Variants in ARID4B observed in about 807,000 individuals in gnomAD.
ARID4B encodes AT-rich interactive domain-containing protein 4B.
ARID4B carries 26 observed loss-of-function variants against 147.5 expected under a neutral mutation model. The observed-to-expected ratio is 0.18, with a 90% CI of 0.13 to 0.24. The LOEUF (loss-of-function observed/expected upper bound fraction) is 0.24, where lower values mean the gene tolerates loss of function less well. ARID4B is among the 10% of genes least tolerant of loss of function. The pLI is 1.00. For missense variants in ARID4B, 1,179 were observed against 1,511.5 expected, an observed-to-expected ratio of 0.78 and a Z score of 3.65; for synonymous variants, 512 against 507.9, an observed-to-expected ratio of 1.01 and a Z score of -0.11.
intron 22 of ARID4B, among the ~76,000 whole-genome samples, chr1:235,174,196 C>T (rs1268860770): frequency 2.0e-5 from 3 of 151,904 alleles, no homozygotes; most frequent in Admixed American, 6.6e-5. Context: ...CGTGCCACCA[C>T]GCGCAGCTAA....
intron 23 of ARID4B, among the ~76,000 whole-genome samples, chr1:235,170,752 A>C (rs567673031): frequency 6.6e-6 from 1 of 151,966 alleles, no homozygotes; most frequent in South Asian, 2.1e-4. Context: ...ATTAATAATA[A>C]TATTACAAAA....
intron 23 of ARID4B, among the ~76,000 whole-genome samples, chr1:235,172,399 A>T (rs1663430347): frequency 6.6e-6 from 1 of 152,136 alleles, no homozygotes; most frequent in Admixed American, 6.6e-5. Flanking sequence ...TGACATGGCG[A>T]AACCCTGTCT....
chr1:235,185,402 C>T (rs1191102357), intron 19 of ARID4B, among the ~76,000 whole-genome samples: 1 of 152,096 alleles, frequency 6.6e-6, no homozygotes, highest in African/African-American at 2.4e-5. Context: ...TTAAATTAAG[C>T]GTTGTATCCA....
intron 19 of ARID4B, among the ~76,000 whole-genome samples, chr1:235,191,464 C>G (rs1665107716): frequency 6.6e-6 from 1 of 151,970 alleles, no homozygotes; most frequent in Non-Finnish European, 1.5e-5. Flanking sequence ...CCATGTTGGC[C>G]AGGCTGGTCT....
chr1:235,239,875 T>C (rs979204142), intron 8 of ARID4B, among the ~76,000 whole-genome samples: 1 of 152,170 alleles, frequency 6.6e-6, no homozygotes, highest in African/African-American at 2.4e-5. Context: ...GGGTAATGTA[T>C]AATTGCAGTC....
chr1:235,229,279 C>T lies in ARID4B; in HGVS notation c.849G>A (p.Glu283=), dbSNP rs1432416986. The part of the protein sequence containing the change: ...SSSSEAEEEE[E]EEDDEKEKED... ...CCTTTTCTTTTTCATCATCTTCCTC[C>T]TCCTCTTCTTCCTCTGCTTCACTGC... The change falls in exon 11 of 24, where the codon GAG becomes GAA. Residue 283 remains glutamate, a synonymous_variant. Transcript: ENST00000264183. The T allele has an allele frequency of 6.2e-7, 1 of 1,612,984 alleles. No homozygotes were observed. Among genetic ancestry groups the T allele is most frequent in the East Asian group, 2.2e-5 (1 of 44,816 alleles).
At chr1:235,273,800 G>C (rs1415887543) in intron 2 of ARID4B, among the ~76,000 whole-genome samples, 1 of 152,160 alleles carries the variant, frequency 6.6e-6, no homozygotes, top group Non-Finnish European at 1.5e-5. Flanking sequence ...CTTTGGACTA[G>C]CATGCTTTTA....
chr1:235,203,355 A>C (rs1666080306), intron 17 of ARID4B, among the ~76,000 whole-genome samples: 1 of 152,246 alleles, frequency 6.6e-6, no homozygotes, highest in Non-Finnish European at 1.5e-5. Context: ...GGTTCTTCTT[A>C]AACCCAATTT....
At position 235,194,054 on chromosome 1, in the gene ARID4B, A is replaced by G; in HGVS notation, c.2084T>C (p.Ile695Thr). The change falls in exon 19 of 24, where the codon ATT becomes ACT. Residue 695 changes from isoleucine (I) to threonine (T), a missense_variant. Ile to Thr is a moderately conservative substitution (Grantham distance 89, BLOSUM62 -1). This residue lies in a region of ARID4B where 321 missense variants were observed against 342.4 expected (regional missense o/e 0.94). Transcript: ENST00000264183. ...TDAKNSDTAHIKSIEITSILN... is the reference protein window; with the variant it reads ...TDAKNSDTAHTKSIEITSILN... ...GATCGAAGTAATTTCTATGGACTTA[A>G]TATGAGCAGTATCAGAGTTTTTGGC... 6.2e-7 allele frequency: 1 copy of G among 1,612,314 alleles called. No individual in the cohort carries two copies. The highest frequency in any genetic ancestry group is 8.5e-7 in the Non-Finnish European group (1 of 1,178,430).
chr1:235,249,293 G>A (rs1396661014), intron 6 of ARID4B, among the ~76,000 whole-genome samples: 4 of 151,946 alleles, frequency 2.6e-5, no homozygotes, highest in Non-Finnish European at 4.4e-5. Context: ...AGATCATGCC[G>A]CTGTACTCCA....
At chr1:235,216,577 A>C (rs868393304) in intron 16 of ARID4B, among the ~76,000 whole-genome samples, 1 of 152,130 alleles carries the variant, frequency 6.6e-6, no homozygotes, top group Admixed American at 6.5e-5. Flanking sequence ...TCCTGACCTC[A>C]GGTGATCCGC....
intron 21 of ARID4B, among the ~76,000 whole-genome samples, chr1:235,176,436 C>CAAA (rs1558168854): frequency 1.6e-4 from 6 of 36,512 alleles, no homozygotes; most frequent in Non-Finnish European, 2.9e-4. Flanking sequence ...AACAACATCA[C>CAAA]CAAAAAAAAA....
chr1:235,175,414 A>C lies in ARID4B; in HGVS notation c.3449-15T>G, dbSNP rs1405165054. On this transcript the variant is annotated splice_polypyrimidine_tract_variant and intron_variant, in intron 21 of 23. Transcript: ENST00000264183. ...ACTACTATTTGCTGAAAGAGAAAGAAAAGATTTAATAAACAAAAATGTAAC... is the reference window on the plus strand; with the variant it reads ...ACTACTATTTGCTGAAAGAGAAAGACAAGATTTAATAAACAAAAATGTAAC... The C allele has an allele frequency of 6.3e-7, 1 of 1,581,644 alleles. No individual in the cohort carries two copies. The highest frequency in any genetic ancestry group is 1.3e-5 in the African/African-American group (1 of 74,078).
chr1:235,284,065 T>C (rs1356983984), intron 2 of ARID4B, among the ~76,000 whole-genome samples: 2 of 152,076 alleles, frequency 1.3e-5, no homozygotes, highest in African/African-American at 4.8e-5. Flanking sequence ...AAATCAACAT[T>C]AATTCTTCAA....
chr1:235,215,547 A>ATATG (rs1553293242), intron 16 of ARID4B, among the ~76,000 whole-genome samples: 26 of 136,498 alleles, frequency 1.9e-4, no homozygotes, highest in East Asian at 4.2e-4. Flanking sequence ...ACACATATAT[A>ATATG]TGTGTGTGTG....
chr1:235,225,094 A>C (rs16832489), intron 11 of ARID4B, among the ~76,000 whole-genome samples: 4,507 of 152,140 alleles, frequency 0.03, 220 homozygotes, highest in African/African-American at 0.1. Flanking sequence ...CATATGAGAG[A>C]GCTATTTTTC....
chr1:235,255,866 A>C, intron 4 of ARID4B, 116 bp from the exon 5 acceptor site: 1 of 659,984 alleles, frequency 1.5e-6, no homozygotes, highest in East Asian at 3.0e-5. Flanking sequence ...ATGACTATTG[A>C]CTTCATTTAA....
In ARID4B at chr1:235,223,382, T is replaced by TATACACACGTATATATATATATATAC. The variant is rs71172272; in HGVS notation, c.971-123_971-122insGTATATATATATATATACGTGTGTAT. 7 of 214,196 alleles carry TATACACACGTATATATATATATATAC rather than the reference T, an allele frequency of 3.3e-5. No individual in the cohort carries two copies. The East Asian group carries it at 5.9e-4, about 18-fold the overall frequency. 13.3% of individuals were successfully genotyped at this position (214,196 alleles called of 1,614,324 possible). A position where few individuals can be genotyped will look rare whatever the true frequency, so the allele number is the denominator to read the frequency against. ...ATATATATACACGTATATATATATA[T>TATACACACGTATATATATATATATAC]ACACGTATATATATGTGTGTGTATA... On this transcript the variant is annotated intron_variant, in intron 12 of 23. Transcript: ENST00000264183.
chr1:235,288,302 C>G (rs1311924667), intron 2 of ARID4B, among the ~76,000 whole-genome samples: 1 of 151,602 alleles, frequency 6.6e-6, no homozygotes, highest in Non-Finnish European at 1.5e-5. Flanking sequence ...GAGTGAGACT[C>G]CATTTCAAAA....
Sources: allele counts gnomAD v4.1 joint callset (sites outside exome capture counted in the v4.1 genomes callset), GRCh38; gene constraint gnomAD v4.1.1; regional missense constraint gnomAD v4.1.1; transcripts MANE v1.5; gene names NCBI Gene and HGNC (gene_info 2026-07-23, HGNC 2026-07-21).